Variants in ETV1 observed in about 807,000 individuals in gnomAD.
ETV1 encodes the protein ETS variant transcription factor 1.
In ETV1, 27 loss-of-function variants were observed where a neutral mutation model predicts 62.3. The observed-to-expected ratio is 0.43, with a 90% CI of 0.32 to 0.60. ETV1 has a LOEUF of 0.60. Ranked by LOEUF, ETV1 falls within the 20% of genes least tolerant of loss-of-function variation. The pLI, the probability that ETV1 is intolerant of heterozygous loss-of-function variation, is 0.06. For synonymous variants in ETV1, 222 were observed against 199.6 expected (o/e 1.11, Z -0.94); for missense variants, 605 against 605.8 (o/e 1.00, Z 0.01).
At chr7:13,988,746 T>C in intron 3 of ETV1, 1 of 1,612,662 alleles carries the variant, frequency 6.2e-7, no homozygotes, top group Non-Finnish European at 8.5e-7. Flanking sequence ...GCTGCTGCCC[T>C]CCATCTCCTC....
chr7:13,958,577 T>A (rs964274709), intron 6 of ETV1, among the ~76,000 whole-genome samples: 3 of 152,194 alleles, frequency 2.0e-5, no homozygotes, highest in Non-Finnish European at 4.4e-5. Context: ...TGTCACTACT[T>A]GGGCACTGTT....
Position 13,911,260 on chromosome 7 carries a change from C to T in ETV1, c.850G>A (p.Ala284Thr), listed in dbSNP as rs1187405618. The change falls in exon 10 of 14, where the codon GCT becomes ACT. Residue 284 changes from alanine (A) to threonine (T), a missense_variant. Physicochemically the swap from Ala to Thr is moderately conservative, Grantham distance 58. Transcript: ENST00000430479. The stretch of plus-strand genomic sequence containing the variant: ...TTAACTTCTGTTCTGCTGGGATGAG[C>T]CAGGAAGCCTTCTTGCCTCATATAA... ...SIYMRQEGFL[A>T]HPSRTEGCMF... is the part of the protein sequence containing the mutation. 6.2e-7 allele frequency: 1 copy of T among 1,612,654 alleles called. No homozygotes were observed. The highest frequency in any genetic ancestry group is 1.3e-5 in the African/African-American group (1 of 74,860).
Position 13,893,217 on chromosome 7 carries a change from T to C in ETV1, c.*2649A>G, listed in dbSNP as rs374443403. On this transcript the variant is annotated 3_prime_UTR_variant, in exon 14 of 14. Coordinates refer to ENST00000430479, the MANE Select transcript of ETV1 (RefSeq NM_004956.5). ...GAGAAGACATTACATCATTAACAAA[T>C]GATTTCTATGTTTGAGTAGCCAATT... 2.6e-5 allele frequency: 6 copies of C among 232,378 alleles called. No individual in the cohort carries two copies. Among genetic ancestry groups the C allele is most frequent in the Admixed American group, 1.1e-4 (2 of 17,768 alleles). 14.4% of individuals were successfully genotyped at this position (232,378 alleles called of 1,614,324 possible). A position where few individuals can be genotyped will look rare whatever the true frequency, so the allele number is the denominator to read the frequency against.
chr7:13,926,751 C>A (rs556199651), intron 9 of ETV1, among the ~76,000 whole-genome samples: 6 of 152,176 alleles, frequency 3.9e-5, no homozygotes, highest in African/African-American at 1.4e-4. Flanking sequence ...TCTTTTAGAA[C>A]CTAGTATCAT....
In ETV1 at chr7:13,906,580, T is replaced by C; in HGVS notation, c.960A>G (p.Pro320=). ...ATGTGGGTCCTTCCCGATACATTCC[T>C]GGCTCTTGTTTGATGTCTCCTAAAT... ...EKFDGDIKQE[P]GMYREGPTYQ... is the part of the protein sequence containing the mutation. The change falls in exon 12 of 14, where the codon CCA becomes CCG. Residue 320 remains proline, a synonymous_variant. Coordinates refer to ENST00000430479, the MANE Select transcript of ETV1 (RefSeq NM_004956.5). 1.2e-6 allele frequency: 2 copies of C among 1,608,778 alleles called. No homozygotes were observed. Among genetic ancestry groups the C allele is most frequent in the East Asian group, 4.5e-5 (2 of 44,804 alleles).
intron 11 of ETV1, among the ~76,000 whole-genome samples, chr7:13,909,204 A>G (rs1052766897): frequency 3.3e-5 from 5 of 151,304 alleles, no homozygotes; most frequent in East Asian, 1.9e-4. Flanking sequence ...CCTGTGTTCC[A>G]TAATGCATCT....
intron 6 of ETV1, among the ~76,000 whole-genome samples, chr7:13,966,304 C>G (rs906974910): frequency 6.6e-6 from 1 of 152,108 alleles, no homozygotes; most frequent in Non-Finnish European, 1.5e-5. Context: ...ATCCAGTGGC[C>G]TTGCCTTTGG....
chr7:13,911,617 C>T (rs927127773), intron 9 of ETV1, among the ~76,000 whole-genome samples: 1 of 152,116 alleles, frequency 6.6e-6, no homozygotes, highest in Non-Finnish European at 1.5e-5. Context: ...AACAGGGTCA[C>T]AAGTTTTAAA....
At chr7:13,907,786 A>G in intron 11 of ETV1, 1 of 467,390 alleles carries the variant, frequency 2.1e-6, no homozygotes, top group Non-Finnish European at 4.4e-6. Flanking sequence ...CACTTTCTAA[A>G]ACTTACCTAT....
upstream of ETV1, chr7:13,990,792 T>G (rs1317368548): frequency 6.6e-6 from 1 of 152,232 alleles, no homozygotes; most frequent in Non-Finnish European, 1.5e-5. Context: ...AGGGACTCAA[T>G]GCTGTTGAAA....
chr7:13,978,459 A>G (rs1350871877), intron 5 of ETV1, among the ~76,000 whole-genome samples: 1 of 152,074 alleles, frequency 6.6e-6, no homozygotes, highest in African/African-American at 2.4e-5. Flanking sequence ...ATTTGATAAA[A>G]ATATAATGAA....
At position 13,988,788 on chromosome 7, in the gene ETV1, A is replaced by T. The variant is rs1782802788; in HGVS notation, c.45+220T>A. On this transcript the variant is annotated intron_variant, in intron 3 of 13. Transcript: ENST00000430479. ...TCATGTTGGGCACTTTAATCAGAAA[A>T]AGGGGTCTTAAAAACAAAACTATGC... The T allele has an allele frequency of 1.9e-6, 3 of 1,607,254 alleles. No individual in the cohort carries two copies. In the East Asian group the frequency reaches 6.7e-5, roughly 36 times the overall value.
chr7:13,982,736 T>C (rs546085115), intron 5 of ETV1, among the ~76,000 whole-genome samples: 1 of 152,154 alleles, frequency 6.6e-6, no homozygotes, highest in Admixed American at 6.6e-5. Context: ...CATAAAATAA[T>C]GTCGTTTTTA....
intron 9 of ETV1, among the ~76,000 whole-genome samples, chr7:13,926,455 T>A (rs1785437283): frequency 6.6e-6 from 1 of 152,208 alleles, no homozygotes; most frequent in Non-Finnish European, 1.5e-5. Context: ...ACATTCTGAA[T>A]TTGCAAAACC....
chr7:13,921,815 A>G (rs2128437239), intron 9 of ETV1, among the ~76,000 whole-genome samples: 1 of 152,320 alleles, frequency 6.6e-6, no homozygotes, highest in African/African-American at 2.4e-5. Context: ...AATATGGGAC[A>G]GAGGAAAATC....
chr7:13,944,177 T>A (rs1007956115), intron 6 of ETV1, among the ~76,000 whole-genome samples: 1 of 152,122 alleles, frequency 6.6e-6, no homozygotes, highest in African/African-American at 2.4e-5. Flanking sequence ...GCCCAGTGAG[T>A]TTCCCGAAGT....
At chr7:13,979,585 A>G (rs964908840) in intron 5 of ETV1, among the ~76,000 whole-genome samples, 1 of 152,138 alleles carries the variant, frequency 6.6e-6, no homozygotes, top group African/African-American at 2.4e-5. Flanking sequence ...AAGTACACAG[A>G]TTCAAATCCT....
chr7:13,933,352 G>T (rs2128452914), intron 8 of ETV1, among the ~76,000 whole-genome samples: 1 of 152,312 alleles, frequency 6.6e-6, no homozygotes, highest in South Asian at 2.1e-4. Context: ...CTGACCAATG[G>T]TAAAGAGAAA....
intron 9 of ETV1, among the ~76,000 whole-genome samples, chr7:13,924,464 G>C (rs558259525): frequency 6.6e-6 from 1 of 152,072 alleles, no homozygotes; most frequent in Admixed American, 6.6e-5. Context: ...AATTTATATC[G>C]TTGAATTGCT....
Sources: allele counts gnomAD v4.1 joint callset (sites outside exome capture counted in the v4.1 genomes callset), GRCh38; gene constraint gnomAD v4.1.1; transcripts MANE v1.5; gene names NCBI Gene and HGNC (gene_info 2026-07-23, HGNC 2026-07-21).